FSTL4: variants seen among roughly 807,000 people sequenced by gnomAD.
FSTL4 encodes the protein follistatin-related protein 4.
A neutral mutation model predicts 78.2 loss-of-function variants in FSTL4; 28 were observed. The ratio of observed to expected loss-of-function variants is 0.36; its 90% CI spans 0.27 to 0.49. FSTL4 has a LOEUF of 0.49. Among genes scored for constraint, FSTL4 ranks in the 20% least tolerant of loss-of-function variants. The probability of loss-of-function intolerance (pLI) is 0.98; values close to 1 mark genes in which losing one functional copy is unlikely to be tolerated. For missense variants in FSTL4, 922 were observed against 1,084.9 expected (o/e 0.85, Z 2.11); for synonymous variants, 422 against 440.5 (o/e 0.96, Z 0.53).
the FSTL4 span, among the ~76,000 whole-genome samples, chr5:133,803,364 G>A: frequency 1.3e-5 from 2 of 152,186 alleles, no homozygotes; most frequent in Non-Finnish European, 2.9e-5. Flanking sequence ...GAGCTGGCCA[G>A]GCAACAGTAA....
At chr5:133,550,577 T>C (rs1223492645) in intron 3 of FSTL4, among the ~76,000 whole-genome samples, 3 of 152,238 alleles carry the variant, frequency 2.0e-5, no homozygotes, top group Non-Finnish European at 2.9e-5. Context: ...AGCTTTTTAA[T>C]ATGCATTTAA....
At chr5:133,312,928 C>T in intron 5 of FSTL4, 151 bp from the exon 6 acceptor site, 1 of 702,178 alleles carries the variant, frequency 1.4e-6, no homozygotes, top group Non-Finnish European at 2.3e-6. Flanking sequence ...TTGTCTGACT[C>T]CTTCATTTTA....
chr5:133,402,961 G>A (rs1198485226), intron 3 of FSTL4, among the ~76,000 whole-genome samples: 1 of 152,248 alleles, frequency 6.6e-6, no homozygotes, highest in African/African-American at 2.4e-5. Context: ...AGGCAGGCAG[G>A]CGCCTGGCAG....
chr5:133,246,047 A>C (rs1257344024), intron 7 of FSTL4, among the ~76,000 whole-genome samples: 1 of 152,186 alleles, frequency 6.6e-6, no homozygotes, highest in Non-Finnish European at 1.5e-5. Context: ...TTTTGTTGCC[A>C]ATCAAGATGT....
At chr5:133,354,153 A>C (rs1404851822) in intron 4 of FSTL4, among the ~76,000 whole-genome samples, 1 of 151,494 alleles carries the variant, frequency 6.6e-6, no homozygotes, top group Non-Finnish European at 1.5e-5. Context: ...GACTATTATA[A>C]GGATGGAGAG....
chr5:133,202,128 C>CCCTCTG, intron 14 of FSTL4, 86 bp from the exon 15 acceptor site: 1 of 793,650 alleles, frequency 1.3e-6, no homozygotes, highest in Non-Finnish European at 2.0e-6. Context: ...GTGGAGTCAC[C>CCCTCTG]CCGGCAGAGG....
At chr5:133,224,679 C>A (rs1262611713) in intron 10 of FSTL4, among the ~76,000 whole-genome samples, 2 of 152,198 alleles carry the variant, frequency 1.3e-5, no homozygotes, top group Non-Finnish European at 2.9e-5. Flanking sequence ...GAAATCACAC[C>A]TGCAGGCCTA....
At chr5:133,780,655 A>G in the FSTL4 span, among the ~76,000 whole-genome samples, 3 of 152,138 alleles carry the variant, frequency 2.0e-5, no homozygotes, top group African/African-American at 7.2e-5. Context: ...CTTTTCATTT[A>G]TTTCCATTTC....
At chr5:133,566,011 T>C (rs958190856) in intron 3 of FSTL4, among the ~76,000 whole-genome samples, 2 of 152,192 alleles carry the variant, frequency 1.3e-5, no homozygotes, top group Admixed American at 1.3e-4. Flanking sequence ...TCAACCTTCA[T>C]CCATTTGGTT....
chr5:133,490,559 T>C (rs1275609807), intron 3 of FSTL4, among the ~76,000 whole-genome samples: 2 of 152,208 alleles, frequency 1.3e-5, no homozygotes, highest in Non-Finnish European at 2.9e-5. Context: ...CAGCATCCTA[T>C]ATACTTGAAT....
chr5:133,578,416 GA>G (rs1760330607), intron 2 of FSTL4, among the ~76,000 whole-genome samples: 1 of 152,200 alleles, frequency 6.6e-6, no homozygotes, highest in South Asian at 2.1e-4. Flanking sequence ...GCCCAGCCAG[GA>G]CAATTGAGGC....
chr5:133,473,094 C>T (rs1197953652), intron 3 of FSTL4, among the ~76,000 whole-genome samples: 1 of 152,222 alleles, frequency 6.6e-6, no homozygotes, highest in Non-Finnish European at 1.5e-5. Context: ...TTTCTTTAGA[C>T]ACTTTTCCTC....
the FSTL4 span, among the ~76,000 whole-genome samples, chr5:133,737,621 T>C: frequency 1.4e-5 from 2 of 147,354 alleles, no homozygotes; most frequent in Non-Finnish European, 3.0e-5. Context: ...TTTTTTTTTT[T>C]TGAGACGGAG....
intron 3 of FSTL4, among the ~76,000 whole-genome samples, chr5:133,470,650 C>A (rs1174764917): frequency 6.6e-6 from 1 of 152,006 alleles, no homozygotes; most frequent in Non-Finnish European, 1.5e-5. Flanking sequence ...GAGGCTGAGG[C>A]AGGAGAATCG....
chr5:133,603,761 C>A (rs1048270707), intron 2 of FSTL4, 97 bp downstream of exon 2: 2 of 1,347,054 alleles, frequency 1.5e-6, no homozygotes, highest in Non-Finnish European at 2.1e-6. Flanking sequence ...ACTTTGTGAT[C>A]TAACTGATCT....
At chr5:133,543,088 G>A (rs539037271) in intron 3 of FSTL4, among the ~76,000 whole-genome samples, 3 of 151,894 alleles carry the variant, frequency 2.0e-5, no homozygotes, top group Non-Finnish European at 4.4e-5. Flanking sequence ...TCCTTGCTCT[G>A]CCACCAGGCT....
intron 3 of FSTL4, among the ~76,000 whole-genome samples, chr5:133,555,674 C>T (rs981915674): frequency 6.6e-6 from 1 of 152,166 alleles, no homozygotes; most frequent in Non-Finnish European, 1.5e-5. Context: ...AAAATAAACA[C>T]ACACACACAA....
chr5:133,266,949 G>A (rs975193840), intron 6 of FSTL4, among the ~76,000 whole-genome samples: 1 of 152,208 alleles, frequency 6.6e-6, no homozygotes, highest in Non-Finnish European at 1.5e-5. Flanking sequence ...AAAAGGATGT[G>A]CACGTCGCTG....
intron 4 of FSTL4, among the ~76,000 whole-genome samples, chr5:133,327,022 A>G (rs989672610): frequency 6.6e-6 from 1 of 152,206 alleles, no homozygotes. Flanking sequence ...GTCATTAGAC[A>G]GATGGGAAAA....
Sources: allele counts gnomAD v4.1 joint callset (sites outside exome capture counted in the v4.1 genomes callset), GRCh38; gene constraint gnomAD v4.1.1; transcripts MANE v1.5; gene names NCBI Gene and HGNC (gene_info 2026-07-23, HGNC 2026-07-21).